The following PPP3CC variants were observed in gnomAD, a reference collection of about 807,000 sequenced individuals.
PPP3CC encodes the protein protein phosphatase 3 catalytic subunit gamma.
In PPP3CC, 35 loss-of-function variants were observed where a neutral mutation model predicts 60.3. That is an observed-to-expected ratio of 0.58 (90% CI 0.44 to 0.77). PPP3CC has a LOEUF of 0.77. PPP3CC is among the 30% of genes least tolerant of loss of function. The pLI, the probability that PPP3CC is intolerant of heterozygous loss-of-function variation, is 0.00. For missense variants in PPP3CC, 570 were observed against 628.9 expected (o/e 0.91, Z 1.00); for synonymous variants, 206 against 224.3 (o/e 0.92, Z 0.73).
intron 1 of PPP3CC, among the ~76,000 whole-genome samples, chr8:22,459,524 C>G (rs781097613): frequency 6.6e-6 from 1 of 151,680 alleles, no homozygotes; most frequent in Non-Finnish European, 1.5e-5. Context: ...GTGTAAAATA[C>G]TTTCATTTTC....
intron 4 of PPP3CC, among the ~76,000 whole-genome samples, chr8:22,503,197 G>A (rs1156622182): frequency 1.3e-5 from 2 of 152,126 alleles, no homozygotes; most frequent in Admixed American, 6.5e-5. Flanking sequence ...TAAGAACGAC[G>A]GCTCTGGAGT....
At chr8:22,501,391 G>C (rs1490842965) in intron 4 of PPP3CC, among the ~76,000 whole-genome samples, 1 of 152,216 alleles carries the variant, frequency 6.6e-6, no homozygotes, top group Non-Finnish European at 1.5e-5. Context: ...CCAGGCCACA[G>C]TGTGGCTAGA....
chr8:22,477,555 T>A (rs976853484), intron 3 of PPP3CC, among the ~76,000 whole-genome samples: 1 of 152,170 alleles, frequency 6.6e-6, no homozygotes, highest in Non-Finnish European at 1.5e-5. Flanking sequence ...GTGTTTTTGC[T>A]AGCATGAGAA....
chr8:22,534,533 T>C (rs1039004805), intron 12 of PPP3CC, among the ~76,000 whole-genome samples: 1 of 152,186 alleles, frequency 6.6e-6, no homozygotes, highest in Non-Finnish European at 1.5e-5. Flanking sequence ...TTTAGAAAAC[T>C]ACTGGGCAGT....
intron 11 of PPP3CC, among the ~76,000 whole-genome samples, 175 bp from the exon 12 acceptor site, chr8:22,532,746 T>G (rs922394750): frequency 2.0e-5 from 3 of 152,220 alleles, no homozygotes; most frequent in South Asian, 2.1e-4. Flanking sequence ...ACTGGCTGAT[T>G]GTTTAAAATG....
chr8:22,475,423 C>A (rs1837856840), intron 2 of PPP3CC, 77 bp from the exon 3 acceptor site: 1 of 1,453,202 alleles, frequency 6.9e-7, no homozygotes, highest in African/African-American at 1.4e-5. Flanking sequence ...AGAAGTTAAA[C>A]TGTGATCCCT....
chr8:22,459,816 A>G (rs1347833260), intron 1 of PPP3CC, among the ~76,000 whole-genome samples: 1 of 152,204 alleles, frequency 6.6e-6, no homozygotes, highest in Non-Finnish European at 1.5e-5. Context: ...TCTAAAAGAA[A>G]GTATAGGAAA....
chr8:22,443,996 T>C (rs1191424710), intron 1 of PPP3CC, among the ~76,000 whole-genome samples: 2 of 152,268 alleles, frequency 1.3e-5, no homozygotes, highest in Non-Finnish European at 2.9e-5. Flanking sequence ...CTGTTAACTT[T>C]AAAGTGTACC....
rs1053350888 is a variant in PPP3CC, at chr8:22,525,931, G to A, written c.944-1461G>A. Among the ~76,000 whole-genome samples, 22 of 150,114 alleles carry A rather than the reference G, an allele frequency of 1.5e-4. No individual in the cohort carries two copies. The East Asian group carries it at 1.8e-3, about 12-fold the overall frequency. ...TGCCCAGGCTGGAGTGCAGTGGTGC[G>A]GTCTTGGCTCACTACAACCTCTGCC... On this transcript the variant is annotated intron_variant, in intron 8 of 13. Transcript: ENST00000240139.
intron 1 of PPP3CC, among the ~76,000 whole-genome samples, chr8:22,442,581 T>C (rs1052870426): frequency 6.6e-6 from 1 of 152,186 alleles, no homozygotes; most frequent in African/African-American, 2.4e-5. Flanking sequence ...TATAATGGGA[T>C]TTTTGAGATT....
chr8:22,497,592 T>C (rs975298962), intron 3 of PPP3CC, among the ~76,000 whole-genome samples: 2 of 152,222 alleles, frequency 1.3e-5, no homozygotes, highest in African/African-American at 2.4e-5. Flanking sequence ...TCTTTACCCA[T>C]TCTTAACCCT....
At chr8:22,534,441 C>G (rs963619567) in intron 12 of PPP3CC, among the ~76,000 whole-genome samples, 1 of 151,238 alleles carries the variant, frequency 6.6e-6, no homozygotes, top group African/African-American at 2.4e-5. Context: ...AAAAAAGAGT[C>G]TGACAATACC....
At chr8:22,539,290 A>C (rs1839909374) in intron 12 of PPP3CC, among the ~76,000 whole-genome samples, 179 bp from the exon 13 acceptor site, 1 of 150,984 alleles carries the variant, frequency 6.6e-6, no homozygotes, top group Admixed American at 6.6e-5. Context: ...TATTCCTCCC[A>C]CCCCAATTGA....
intron 1 of PPP3CC, among the ~76,000 whole-genome samples, chr8:22,453,062 C>G (rs1563675080): frequency 6.6e-6 from 1 of 152,118 alleles, no homozygotes; most frequent in Non-Finnish European, 1.5e-5. Flanking sequence ...AGAGTACAGA[C>G]TCTGCTGATT....
chr8:22,467,351 G>A (rs1050823787), intron 1 of PPP3CC, among the ~76,000 whole-genome samples: 7 of 152,116 alleles, frequency 4.6e-5, no homozygotes, highest in African/African-American at 1.7e-4. Context: ...TTCGATCATA[G>A]TTTTTATGGT....
intron 1 of PPP3CC, among the ~76,000 whole-genome samples, chr8:22,460,799 CAG>C (rs1309761078): frequency 6.6e-6 from 1 of 152,092 alleles, no homozygotes; most frequent in Non-Finnish European, 1.5e-5. Flanking sequence ...GCCTGAGTGA[CAG>C]AGTGAGAGAC....
At chr8:22,521,478 A>G (rs1482641421) in intron 6 of PPP3CC, among the ~76,000 whole-genome samples, 2 of 152,160 alleles carry the variant, frequency 1.3e-5, no homozygotes, top group Non-Finnish European at 2.9e-5. Context: ...GCCTTCTCCA[A>G]GCAGCCCTTC....
intron 1 of PPP3CC, among the ~76,000 whole-genome samples, chr8:22,447,013 T>C (rs995978510): frequency 2.0e-5 from 3 of 151,170 alleles, no homozygotes; most frequent in African/African-American, 4.9e-5. Context: ...CCGTTTATAG[T>C]TTTTTTTGGT....
intron 6 of PPP3CC, among the ~76,000 whole-genome samples, chr8:22,515,595 G>A (rs1839222259): frequency 6.6e-6 from 1 of 152,200 alleles, no homozygotes; most frequent in Admixed American, 6.5e-5. Context: ...AATAGGATAT[G>A]AGGGTTCCCT....
Sources: gnomAD v4.1 joint callset for allele counts (sites outside exome capture counted in the v4.1 genomes callset) on GRCh38, gnomAD v4.1.1 for gene constraint, MANE v1.5 for transcripts, NCBI Gene and HGNC (gene_info 2026-07-23, HGNC 2026-07-21) for gene names.